The following NMNAT3 variants were observed in gnomAD, a reference collection of about 807,000 sequenced individuals.
NMNAT3 encodes the protein nicotinamide/nicotinic acid mononucleotide adenylyltransferase 3.
A neutral mutation model predicts 24.8 loss-of-function variants in NMNAT3; 21 were observed. The ratio of observed to expected loss-of-function variants is 0.85; its 90% CI spans 0.60 to 1.22. The LOEUF is 1.22. NMNAT3 is among the 50% of genes most tolerant of loss of function. NMNAT3 has a pLI of 0.00. For synonymous variants in NMNAT3, 136 were observed against 155.2 expected (o/e 0.88, Z 0.92); for missense variants, 387 against 436.6 (o/e 0.89, Z 1.01).
intron 6 of NMNAT3, among the ~76,000 whole-genome samples, 176 bp downstream of exon 6, chr3:139,573,422 C>G (rs1375818221): frequency 6.6e-6 from 1 of 152,134 alleles, no homozygotes; most frequent in Admixed American, 6.5e-5. Flanking sequence ...GGCAGATTGT[C>G]TAATCTGAAC....
chr3:139,591,607 C>T (rs984911559), intron 3 of NMNAT3, among the ~76,000 whole-genome samples: 6 of 152,198 alleles, frequency 3.9e-5, no homozygotes, highest in East Asian at 1.9e-4. Flanking sequence ...TCTCCCACCA[C>T]GCAGCTGGAG....
chr3:139,581,525 T>C (rs1231147887), intron 4 of NMNAT3, among the ~76,000 whole-genome samples: 8 of 152,234 alleles, frequency 5.3e-5, no homozygotes, highest in African/African-American at 1.7e-4. Context: ...ATGTATGACC[T>C]ATGGATACAT....
chr3:139,635,919 T>C (rs1021748880), intron 2 of NMNAT3: 1 of 152,352 alleles, frequency 6.6e-6, no homozygotes, highest in Non-Finnish European at 1.5e-5. Context: ...GGGAAAGGCA[T>C]ACCTTTCTCC....
chr3:139,650,264 C>A (rs918138298), intron 1 of NMNAT3, among the ~76,000 whole-genome samples: 3 of 152,174 alleles, frequency 2.0e-5, no homozygotes. Flanking sequence ...AAAGTGTTGA[C>A]ATTTTATGAC....
intron 2 of NMNAT3, among the ~76,000 whole-genome samples, chr3:139,629,187 T>G (rs2056184591): frequency 6.6e-6 from 1 of 152,238 alleles, no homozygotes; most frequent in African/African-American, 2.4e-5. Context: ...TTGCTCACCC[T>G]GATGCAGCCA....
chr3:139,627,236 C>G (rs1411610734), intron 3 of NMNAT3, among the ~76,000 whole-genome samples: 1 of 151,834 alleles, frequency 6.6e-6, no homozygotes, highest in Non-Finnish European at 1.5e-5. Context: ...ATTTTCTTAC[C>G]CTCTGAAGAG....
chr3:139,668,310 G>GT (rs1324911816), intron 1 of NMNAT3, among the ~76,000 whole-genome samples: 1 of 152,236 alleles, frequency 6.6e-6, no homozygotes. Context: ...TAGCAGAGCA[G>GT]TCTTCCTGAG....
chr3:139,573,862 G>A (rs1455041344), intron 5 of NMNAT3, among the ~76,000 whole-genome samples, 182 bp from the exon 6 acceptor site: 2 of 152,166 alleles, frequency 1.3e-5, no homozygotes, highest in Non-Finnish European at 2.9e-5. Context: ...AGCCATGTGG[G>A]TCTTCATGGA....
At chr3:139,590,269 G>C (rs1230677498) in intron 3 of NMNAT3, among the ~76,000 whole-genome samples, 3 of 152,176 alleles carry the variant, frequency 2.0e-5, no homozygotes, top group Non-Finnish European at 4.4e-5. Context: ...GTTTATATGG[G>C]AGGCAGTGGA....
Position 139,561,314 on chromosome 3 carries a change from T to G in NMNAT3, c.737A>C (p.His246Pro). 6.2e-7 allele frequency: 1 copy of G among 1,614,020 alleles called. No individual in the cohort carries two copies. Among genetic ancestry groups the G allele is most frequent in the Non-Finnish European group, 8.5e-7 (1 of 1,179,958 alleles). Residue 246 changes from histidine to proline, a missense_variant, in exon 7 of 7, where the codon CAC (histidine) becomes CCC (proline). His to Pro is a moderately conservative substitution (Grantham distance 77). Around this residue, in one of 3 missense-constraint regions of NMNAT3, gnomAD observed 323 missense variants for 345.2 expected, o/e 0.94. Transcript: ENST00000643695. ...AAACTTCTCCACTATTTCCTGGATG[T>G]GCGCATCCTTCCAGAGGTTGGGGGT...
intron 3 of NMNAT3, among the ~76,000 whole-genome samples, chr3:139,614,001 G>T (rs185194442): frequency 3.3e-5 from 5 of 151,872 alleles, no homozygotes; most frequent in Non-Finnish European, 5.9e-5. Flanking sequence ...GTGGGGGAAG[G>T]GGGGAGGGAT....
At chr3:139,666,352 G>A (rs1048730492) in intron 1 of NMNAT3, among the ~76,000 whole-genome samples, 14 of 152,312 alleles carry the variant, frequency 9.2e-5, no homozygotes, top group Non-Finnish European at 1.6e-4. Flanking sequence ...GCCATGCTGT[G>A]CAGAAATCTA....
chr3:139,616,896 T>G (rs1489359194), intron 3 of NMNAT3, among the ~76,000 whole-genome samples: 1 of 152,234 alleles, frequency 6.6e-6, no homozygotes, highest in Non-Finnish European at 1.5e-5. Context: ...CCTCTTTCTG[T>G]GTCTCTTGCT....
At chr3:139,637,522 T>C (rs1227046632) in intron 2 of NMNAT3, 1 of 152,238 alleles carries the variant, frequency 6.6e-6, no homozygotes, top group African/African-American at 2.4e-5. Context: ...TATGATTTAA[T>C]TGGTCAGTCT....
At chr3:139,602,085 G>C (rs571408035) in intron 3 of NMNAT3, among the ~76,000 whole-genome samples, 5 of 152,282 alleles carry the variant, frequency 3.3e-5, no homozygotes, top group African/African-American at 9.6e-5. Flanking sequence ...ATATGCGGGG[G>C]ATTCAATAAA....
intron 1 of NMNAT3, among the ~76,000 whole-genome samples, chr3:139,650,787 T>C (rs1215892238): frequency 6.6e-6 from 1 of 152,190 alleles, no homozygotes; most frequent in African/African-American, 2.4e-5. Context: ...AATCTAAAGC[T>C]GAAAAGGACC....
At chr3:139,579,722 G>A (rs1447841228) in intron 4 of NMNAT3, among the ~76,000 whole-genome samples, 2 of 152,176 alleles carry the variant, frequency 1.3e-5, no homozygotes, top group Non-Finnish European at 2.9e-5. Flanking sequence ...TGTGTGTTAA[G>A]CTTCTAAAAC....
rs192390365 is a variant in NMNAT3 at position 139,640,153 on chromosome 3, T to A, written c.-140-2091A>T. 3.6e-3 allele frequency among the ~76,000 whole-genome samples: 541 copies of A among 152,168 alleles called. 2 individuals carry two copies. Among genetic ancestry groups the A allele is most frequent in the Non-Finnish European group, 4.0e-3 (275 of 68,006 alleles). On this transcript the variant is annotated intron_variant, in intron 1 of 6. Transcript: ENST00000643695. ...TGCATGCATAAGGGTCCTAGGAACA[T>A]GCTAGTAGAAATGGTACCATGACCA...
In NMNAT3 at chr3:139,582,970, G is replaced by C. The variant is rs1165372611; in HGVS notation, c.348C>G (p.Thr116=). ...TGAATATTTTGTTTGTTTGGTTCCA[G>C]GTGCTATCTATAAATATAATTTTTT... is the stretch of plus-strand genomic sequence containing the variant. Residue 116 remains threonine, a synonymous_variant, in exon 4 of 7, where the codon ACC becomes ACG. Coordinates refer to ENST00000643695, the MANE Select transcript of NMNAT3 (RefSeq NM_001320510.2). 6.4e-7 allele frequency: 1 copy of C among 1,560,944 alleles called. No homozygotes were observed. Among genetic ancestry groups the C allele is most frequent in the Non-Finnish European group, 8.6e-7 (1 of 1,157,604 alleles).
Sources: gnomAD v4.1 joint callset for allele counts (sites outside exome capture counted in the v4.1 genomes callset) on GRCh38, gnomAD v4.1.1 for gene constraint, gnomAD v4.1.1 regional missense constraint, MANE v1.5 for transcripts, NCBI Gene and HGNC (gene_info 2026-07-23, HGNC 2026-07-21) for gene names.